The following SATB1 variants were observed in gnomAD, a reference collection of about 807,000 sequenced individuals.
The protein encoded by SATB1 is SATB homeobox 1, also known as DNA-binding protein SATB1.
Under a neutral mutation model 86.9 loss-of-function variants are expected in SATB1, and 11 were observed. The observed-to-expected ratio is 0.13, with a 90% CI of 0.08 to 0.21. The LOEUF (loss-of-function observed/expected upper bound fraction) is 0.21. Ranked by LOEUF, SATB1 falls within the 10% of genes least tolerant of loss-of-function variation. The probability of loss-of-function intolerance (pLI) is 1.00; values close to 1 mark genes in which losing one functional copy is unlikely to be tolerated. For missense variants in SATB1, 551 were observed against 937.6 expected, an observed-to-expected ratio of 0.59 and a Z score of 5.39; for synonymous variants, 357 against 357.2, an observed-to-expected ratio of 1.00 and a Z score of 0.01.
chr3:18,362,459 T>C (rs1394971322), intron 9 of SATB1, among the ~76,000 whole-genome samples: 1 of 152,020 alleles, frequency 6.6e-6, no homozygotes, highest in Non-Finnish European at 1.5e-5. Context: ...GGCTATTTAG[T>C]GGTAAAATAC....
chr3:18,359,704 C>T (rs549614722), intron 9 of SATB1, among the ~76,000 whole-genome samples: 39 of 151,830 alleles, frequency 2.6e-4, no homozygotes, highest in African/African-American at 8.7e-4. Context: ...TTTGACATTA[C>T]ATAAATTTCA....
chr3:18,404,212 G>A (rs945689014), intron 5 of SATB1, among the ~76,000 whole-genome samples: 12 of 152,040 alleles, frequency 7.9e-5, no homozygotes, highest in African/African-American at 2.4e-4. Flanking sequence ...TTATGACAGC[G>A]AATGGCAGGA....
chr3:18,360,710 T>C (rs566364992), intron 9 of SATB1, among the ~76,000 whole-genome samples: 1 of 152,156 alleles, frequency 6.6e-6, no homozygotes, highest in Admixed American at 6.6e-5. Context: ...TCTCACAGGA[T>C]AGTAGCCAGT....
At chr3:18,370,561 A>G (rs1695430313) in intron 9 of SATB1, among the ~76,000 whole-genome samples, 1 of 142,502 alleles carries the variant, frequency 7.0e-6, no homozygotes, top group Non-Finnish European at 1.5e-5. Context: ...AAGAAAAAAG[A>G]AAAAGAAAAG....
Position 18,346,122 on chromosome 3 carries a change from A to AT in SATB1, c.*3047dup, listed in dbSNP as rs1355980901. ...CAAGCGCCACACAACTAGGACATAC[A>AT]TATTAGTTACCTTGGTTTTCAAAGG... On this transcript the variant is annotated 3_prime_UTR_variant, in exon 11 of 11. Coordinates refer to ENST00000338745, the MANE Select transcript of SATB1 (RefSeq NM_002971.6). 1 of 152,136 alleles carries AT rather than the reference A, an allele frequency of 6.6e-6. No individual in the cohort carries two copies. Among genetic ancestry groups the AT allele is most frequent in the Non-Finnish European group, 1.5e-5 (1 of 67,976 alleles). 9.4% of individuals were successfully genotyped at this position (152,136 alleles called of 1,614,324 possible).
At chr3:18,426,582 T>C (rs527872482), upstream of SATB1, among the ~76,000 whole-genome samples, 1 of 152,318 alleles carries the variant, frequency 6.6e-6, no homozygotes, top group African/African-American at 2.4e-5. This position sits in a 1 kb window ranked among gnomAD's most constrained non-coding sequence, Gnocchi z 4.2. Context: ...TAAAGAATAT[T>C]ACAATGTAAC....
chr3:18,437,768 C>A (rs770017452), intron 1 of SATB1, among the ~76,000 whole-genome samples: 1 of 152,086 alleles, frequency 6.6e-6, no homozygotes, highest in African/African-American at 2.4e-5. Flanking sequence ...TTAAACAGTA[C>A]ATCTAAGTAT....
intron 9 of SATB1, among the ~76,000 whole-genome samples, chr3:18,368,116 G>A (rs990072897): frequency 1.3e-5 from 2 of 152,204 alleles, no homozygotes; most frequent in Non-Finnish European, 2.9e-5. Context: ...AAATACAAGT[G>A]ACTACAGCAG....
At chr3:18,434,864 A>AT (rs1313201866) in intron 2 of SATB1, 4 of 151,898 alleles carry the variant, frequency 2.6e-5, no homozygotes, top group South Asian at 2.1e-4. Context: ...AAACAAACAA[A>AT]TAAAAAAAAA....
At chr3:18,372,181 A>G (rs1575105382) in intron 9 of SATB1, among the ~76,000 whole-genome samples, 1 of 152,028 alleles carries the variant, frequency 6.6e-6, no homozygotes, top group Admixed American at 6.6e-5. Context: ...TAAAGGGACC[A>G]CTCTTGCAGT....
chr3:18,404,271 ATCTTTC>A (rs1697410988), intron 5 of SATB1, among the ~76,000 whole-genome samples: 1 of 151,938 alleles, frequency 6.6e-6, no homozygotes, highest in Non-Finnish European at 1.5e-5. Context: ...TGTTTCCCAA[ATCTTTC>A]CCTCTGGATC....
At chr3:18,370,259 T>TA in intron 9 of SATB1, among the ~76,000 whole-genome samples, 1 of 152,188 alleles carries the variant, frequency 6.6e-6, no homozygotes, top group African/African-American at 2.4e-5. Flanking sequence ...AAAAATCTCT[T>TA]CTTTTCTCTG....
intron 8 of SATB1, among the ~76,000 whole-genome samples, chr3:18,383,218 GC>G (rs1433792173): frequency 6.6e-6 from 1 of 152,214 alleles, no homozygotes; most frequent in East Asian, 1.9e-4. Flanking sequence ...CCTGGACTGG[GC>G]CACCAAGGAG....
intron 1 of SATB1, chr3:18,421,255 G>A: frequency 3.8e-6 from 1 of 260,318 alleles, no homozygotes; most frequent in Non-Finnish European, 7.3e-6. Context: ...ACTAAGTGGG[G>A]AAAAATGGGC....
chr3:18,411,412 T>C lies in SATB1; in HGVS notation c.639+3699A>G, dbSNP rs555527294. ...GAAGACATTACGCTGGTAGAAGTAATAGCTGACCTTTACTTAACAAAATGA... is the reference window on the plus strand; with the variant it reads ...GAAGACATTACGCTGGTAGAAGTAACAGCTGACCTTTACTTAACAAAATGA... On this transcript the variant is annotated intron_variant, in intron 5 of 10. Transcript: ENST00000338745. Among the ~76,000 whole-genome samples the C allele has an allele frequency of 3.3e-5, 5 of 152,236 alleles. No individual in the cohort carries two copies. In the South Asian group the frequency reaches 1.0e-3, roughly 32 times the overall value.
At chr3:18,422,258 GA>G (rs564217487) in intron 1 of SATB1, among the ~76,000 whole-genome samples, 7 of 152,198 alleles carry the variant, frequency 4.6e-5, no homozygotes, top group African/African-American at 1.4e-4. Flanking sequence ...TTTAAATCTG[GA>G]TTTGTTGAAA....
chr3:18,402,378 T>C (rs1697317611), intron 5 of SATB1, among the ~76,000 whole-genome samples: 2 of 152,092 alleles, frequency 1.3e-5, no homozygotes, highest in African/African-American at 4.8e-5. Context: ...ATCAGGTTAT[T>C]CAATCATTTA....
At position 18,346,121 on chromosome 3, in the gene SATB1, C is replaced by T. The variant is rs1050366497; in HGVS notation, c.*3049G>A. On this transcript the variant is annotated 3_prime_UTR_variant, in exon 11 of 11. Coordinates refer to ENST00000338745, the MANE Select transcript of SATB1 (RefSeq NM_002971.6). ...CCAAGCGCCACACAACTAGGACATA[C>T]ATATTAGTTACCTTGGTTTTCAAAG... 3 of 152,186 alleles carry T rather than the reference C, an allele frequency of 2.0e-5. No individual in the cohort carries two copies. Among genetic ancestry groups the T allele is most frequent in the African/African-American group, 4.8e-5 (2 of 41,564 alleles). 9.4% of individuals were successfully genotyped at this position (152,186 alleles called of 1,614,324 possible).
At chr3:18,437,468 G>A (rs1470940501) in intron 1 of SATB1, among the ~76,000 whole-genome samples, 1 of 152,086 alleles carries the variant, frequency 6.6e-6, no homozygotes, top group Non-Finnish European at 1.5e-5. Flanking sequence ...TGTATGTTAA[G>A]AGTATACATC....
Sources: allele counts gnomAD v4.1 joint callset (sites outside exome capture counted in the v4.1 genomes callset), GRCh38; gene constraint gnomAD v4.1.1; non-coding constraint Gnocchi (gnomAD v3.1); transcripts MANE v1.5; gene names NCBI Gene and HGNC (gene_info 2026-07-23, HGNC 2026-07-21).